STX6: variants seen among roughly 807,000 people sequenced by gnomAD.
STX6 encodes syntaxin-6.
STX6 carries 23 observed loss-of-function variants against 38.0 expected under a neutral mutation model. The observed-to-expected ratio is 0.60, with a 90% CI of 0.43 to 0.86. The LOEUF is 0.86. Ranked by LOEUF, STX6 falls within the 40% of genes least tolerant of loss-of-function variation. The pLI is 0.00. For synonymous variants in STX6, 123 were observed against 107.5 expected, an observed-to-expected ratio of 1.14 and a Z score of -0.89; for missense variants, 274 against 312.9, an observed-to-expected ratio of 0.88 and a Z score of 0.94.
intron 3 of STX6, among the ~76,000 whole-genome samples, chr1:180,999,799 T>C (rs371042708): frequency 3.2e-4 from 48 of 152,250 alleles, no homozygotes; most frequent in African/African-American, 1.1e-3. Flanking sequence ...CCACTAGTAA[T>C]AGTAACAGAA....
intron 6 of STX6, among the ~76,000 whole-genome samples, chr1:180,985,706 A>G (rs1309243147): frequency 6.6e-6 from 1 of 152,264 alleles, no homozygotes; most frequent in Non-Finnish European, 1.5e-5. Context: ...TGCCTATTTC[A>G]TAAGTCACTA....
chr1:181,006,790 T>C (rs923926229), intron 1 of STX6, among the ~76,000 whole-genome samples: 2 of 152,142 alleles, frequency 1.3e-5, no homozygotes, highest in African/African-American at 4.8e-5. Flanking sequence ...CTTACAATAT[T>C]TAGGTCTATG....
At position 180,974,283 on chromosome 1, in the gene STX6, T is replaced by C. The variant is rs997186717; in HGVS notation, c.*2287A>G. 1 of 152,244 alleles carries C rather than the reference T, an allele frequency of 6.6e-6. No individual in the cohort carries two copies. The highest frequency in any genetic ancestry group is 2.4e-5 in the African/African-American group (1 of 41,468). The allele number at this position is 152,244 out of a possible 1,614,324, so 9.4% of individuals were successfully genotyped here. A position where few individuals can be genotyped will look rare whatever the true frequency, so the allele number is the denominator to read the frequency against. ...GGGCATGGTGGCCCTACGGGTAGAA[T>C]GCACTGTATTGTTAGTTAACTTTCT... On this transcript the variant is annotated 3_prime_UTR_variant, in exon 8 of 8. Coordinates refer to ENST00000258301, the MANE Select transcript of STX6 (RefSeq NM_005819.6).
At chr1:181,000,839 C>T (rs865884261) in intron 3 of STX6, among the ~76,000 whole-genome samples, 2 of 145,756 alleles carry the variant, frequency 1.4e-5, no homozygotes, top group African/African-American at 2.6e-5. Flanking sequence ...TAAATATTAA[C>T]GTCTATAGGA....
In STX6 at chr1:180,999,487, G is replaced by A. The variant is rs111585915; in HGVS notation, c.300+3119C>T. ...GAAAGCTATTTACACAAAAATGTGAGTATTTTGGTTCTTCACTAAAAACTG... is the reference window on the plus strand; with the variant it reads ...GAAAGCTATTTACACAAAAATGTGAATATTTTGGTTCTTCACTAAAAACTG... On this transcript the variant is annotated intron_variant, in intron 3 of 7. Coordinates refer to ENST00000258301, the MANE Select transcript of STX6 (RefSeq NM_005819.6). Among the ~76,000 whole-genome samples, 605 of 152,228 alleles carry A rather than the reference G, an allele frequency of 4.0e-3. 5 individuals carry two copies. The highest frequency in any genetic ancestry group is 0.013 in the African/African-American group (559 of 41,532).
chr1:181,002,726 A>G (rs1370846349), intron 2 of STX6, 26 bp from the exon 3 acceptor site: 1 of 1,470,760 alleles, frequency 6.8e-7, no homozygotes, highest in Non-Finnish European at 9.5e-7. Context: ...AAGGTAAAAC[A>G]ATTTCATCAT....
intron 1 of STX6, among the ~76,000 whole-genome samples, chr1:181,010,584 G>A (rs962294676): frequency 6.6e-6 from 1 of 152,122 alleles, no homozygotes; most frequent in Non-Finnish European, 1.5e-5. Flanking sequence ...TTACAGGTGT[G>A]AGCCTCCGCG....
intron 3 of STX6, among the ~76,000 whole-genome samples, chr1:181,000,840 G>A (rs778127097): frequency 2.1e-5 from 3 of 142,984 alleles, no homozygotes; most frequent in East Asian, 4.1e-4. Flanking sequence ...AAATATTAAC[G>A]TCTATAGGAG....
chr1:180,992,004 C>A (rs1427781729), intron 4 of STX6, among the ~76,000 whole-genome samples: 1 of 150,316 alleles, frequency 6.7e-6, no homozygotes, highest in East Asian at 1.9e-4. Context: ...ACTATACTAT[C>A]TAGAGAATAA....
chr1:180,987,811 AAC>A, intron 6 of STX6: 1 of 151,616 alleles, frequency 6.6e-6, no homozygotes, highest in Non-Finnish European at 1.5e-5. Flanking sequence ...AAAAAAAAAA[AAC>A]AAAGTTACAA....
Position 181,005,371 on chromosome 1 carries a change from A to G in STX6, c.128T>C (p.Ile43Thr). Residue 43 changes from isoleucine to threonine, a missense_variant, in exon 2 of 8, where the codon ATC becomes ACC. Physicochemically the swap from Ile to Thr is moderately conservative, Grantham distance 89. Transcript: ENST00000258301. ...QDPSTATREE[I>T]DWTTNELRNN... The stretch of plus-strand genomic sequence containing the variant: ...TCTCAGCTCGTTGGTGGTCCAGTCG[A>G]TTTCTTCCCTTGTTGCTGTGGAGGG... 1.2e-6 allele frequency: 2 copies of G among 1,613,932 alleles called. No homozygotes were observed. Among genetic ancestry groups the G allele is most frequent in the Non-Finnish European group, 1.7e-6 (2 of 1,179,964 alleles).
At position 180,993,362 on chromosome 1, in the gene STX6, CCTGT is replaced by C. The variant is rs745606833; in HGVS notation, c.360_363del (p.Gln121HisfsTer43). On this transcript the variant is annotated frameshift_variant and splice_region_variant, in exon 4 of 8. Coordinates refer to ENST00000258301, the MANE Select transcript of STX6 (RefSeq NM_005819.6). LOFTEE classifies it high-confidence loss of function. Reference sequence around the variant, plus strand: ...ATAATTATATTCTGATGTTTTCTCACCTGTCTATTTTTTCTTTCAGCTAATGCCT... The same window carrying C: ...ATAATTATATTCTGATGTTTTCTCACCTATTTTTTCTTTCAGCTAATGCCT... The C allele has an allele frequency of 5.9e-6, 9 of 1,527,724 alleles. No homozygotes were observed. The highest frequency in any genetic ancestry group is 1.7e-4 in the Middle Eastern group (1 of 5,890). The allele number at this position is 1,527,724 out of a possible 1,614,324, so 94.6% of individuals were successfully genotyped here. A position where few individuals can be genotyped will look rare whatever the true frequency, so the allele number is the denominator to read the frequency against.
Position 181,017,143 on chromosome 1 carries a change from T to C in STX6, c.35+5496A>G, listed in dbSNP as rs1196457069. ...GGCTCATGCCTGTAATCCCAGCACT[T>C]TGGGAGGCCGAGGTGGGAGGATCAC... On this transcript the variant is annotated intron_variant, in intron 1 of 7. Coordinates refer to ENST00000258301, the MANE Select transcript of STX6 (RefSeq NM_005819.6). Among the ~76,000 whole-genome samples the C allele has an allele frequency of 4.0e-5, 6 of 150,502 alleles. No homozygotes were observed. In the East Asian group the frequency reaches 1.2e-3, roughly 30 times the overall value.
intron 7 of STX6, among the ~76,000 whole-genome samples, chr1:180,982,834 C>T (rs529435037): frequency 6.6e-6 from 1 of 152,186 alleles, no homozygotes; most frequent in African/African-American, 2.4e-5. Flanking sequence ...AAACCTTTCT[C>T]TAAATGTGTG....
At chr1:181,015,524 T>C (rs1656530654) in intron 1 of STX6, among the ~76,000 whole-genome samples, 2 of 152,156 alleles carry the variant, frequency 1.3e-5, no homozygotes, top group African/African-American at 2.4e-5. Flanking sequence ...CAAGATAATC[T>C]AGTTTGTGCT....
intron 1 of STX6, among the ~76,000 whole-genome samples, chr1:181,021,740 G>T (rs1656731772): frequency 6.6e-6 from 1 of 152,226 alleles, no homozygotes. Context: ...AAGTGCAGTT[G>T]AAGACTCTAT....
chr1:181,016,350 T>C (rs1273520610), intron 1 of STX6, among the ~76,000 whole-genome samples: 1 of 151,484 alleles, frequency 6.6e-6, no homozygotes, highest in African/African-American at 2.4e-5. Flanking sequence ...TGGGTCTTTC[T>C]TTTTTTTTCA....
rs1656571290 is a variant in STX6 at position 181,016,855 on chromosome 1, G to A, written c.35+5784C>T. ...TAATCCAAGCACTTTGGGAGGCCGA[G>A]GCGGGCAGATCACCTGAGGTCAGGA... is the stretch of plus-strand genomic sequence containing the variant. On this transcript the variant is annotated intron_variant, in intron 1 of 7. Transcript: ENST00000258301. Among the ~76,000 whole-genome samples the A allele has an allele frequency of 2.0e-5, 3 of 152,192 alleles. No individual in the cohort carries two copies. The South Asian group carries it at 6.2e-4, about 32-fold the overall frequency.
At chr1:180,988,636 A>G (rs574293680) in intron 5 of STX6, 9 of 304,854 alleles carry the variant, frequency 3.0e-5, no homozygotes, top group African/African-American at 1.8e-4. Flanking sequence ...GGAGCAGACA[A>G]TGGTTGAAAG....
Sources: gnomAD v4.1 joint callset for allele counts (sites outside exome capture counted in the v4.1 genomes callset) on GRCh38, gnomAD v4.1.1 for gene constraint, MANE v1.5 for transcripts, NCBI Gene and HGNC (gene_info 2026-07-23, HGNC 2026-07-21) for gene names.